The following KLRD1 variants were observed in gnomAD, a reference collection of about 807,000 sequenced individuals.
KLRD1 encodes the protein killer cell lectin like receptor D1.
A neutral mutation model predicts 22.6 loss-of-function variants in KLRD1; 21 were observed. The ratio of observed to expected loss-of-function variants is 0.93; its 90% CI spans 0.66 to 1.34. The LOEUF is 1.34. Among genes scored for constraint, KLRD1 ranks in the 40% most tolerant of loss-of-function variants. The pLI, the probability that KLRD1 is intolerant of heterozygous loss-of-function variation, is 0.00. For missense variants in KLRD1, 183 were observed against 208.6 expected (o/e 0.88, Z 0.76); for synonymous variants, 59 against 71.1 (o/e 0.83, Z 0.85).
In KLRD1 at chr12:10,323,864, C is replaced by CTTTTTTTTTTTTTTTTTTTT. The variant is rs3983613; in HGVS notation, c.*9086_*9087insTTTTTTTTTTTTTTTTTTTT. On this transcript the variant is annotated 3_prime_UTR_variant, in exon 6 of 6. Transcript: ENST00000336164. Reference sequence around the variant, plus strand: ...TTCCCTTTTATTTCTTATTTCTTTCCTTTTTTTTTTTTTTTGAGACTGAGT... The same window carrying CTTTTTTTTTTTTTTTTTTTT: ...TTCCCTTTTATTTCTTATTTCTTTCCTTTTTTTTTTTTTTTTTTTTTTTTTTTTTTTTTTTGAGACTGAGT... 1.9e-5 allele frequency: 2 copies of CTTTTTTTTTTTTTTTTTTTT among 106,342 alleles called. No individual in the cohort carries two copies. The highest frequency in any genetic ancestry group is 3.7e-5 in the Non-Finnish European group (2 of 54,630). 6.6% of individuals were successfully genotyped at this position (106,342 alleles called of 1,614,324 possible). A position where few individuals can be genotyped will look rare whatever the true frequency, so the allele number is the denominator to read the frequency against.
chr12:10,315,006 A>C lies in KLRD1; in HGVS notation c.*213A>C, dbSNP rs1950190163. The C allele has an allele frequency of 2.7e-6, 1 of 375,908 alleles. No homozygotes were observed. Among genetic ancestry groups the C allele is most frequent in the Admixed American group, 4.9e-5 (1 of 20,526 alleles). 23.3% of individuals were successfully genotyped at this position (375,908 alleles called of 1,614,324 possible). On this transcript the variant is annotated 3_prime_UTR_variant, in exon 6 of 6. Transcript: ENST00000336164. ...TTTGAGAATTATAAAATTAACATAA[A>C]GAATTTTGTATTTTCATTTAATGTA...
At chr12:10,258,268 T>A (rs2537800) in intron 1 of KLRD1, among the ~76,000 whole-genome samples, 131,313 of 152,186 alleles carry the variant, frequency 0.86, 58,612 homozygotes, top group Non-Finnish European at 0.98. Context: ...TTCTGCTCTG[T>A]CAAGTTTCAG....
chr12:10,288,693 A>T (rs1374569222), intron 1 of KLRD1, among the ~76,000 whole-genome samples: 1 of 152,260 alleles, frequency 6.6e-6, no homozygotes, highest in Non-Finnish European at 1.5e-5. Flanking sequence ...AAACTCAAAA[A>T]TTTTTAATGG....
upstream of KLRD1, among the ~76,000 whole-genome samples, chr12:10,301,515 AAT>A (rs1949866477): frequency 3.9e-5 from 6 of 152,248 alleles, no homozygotes; most frequent in African/African-American, 1.4e-4. Context: ...CTTCACAAAA[AAT>A]ATTTGGGGCT....
Position 10,257,139 on chromosome 12 carries a change from C to CTTT in KLRD1, c.-101+30923_-101+30925dup, listed in dbSNP as rs55950006. On this transcript the variant is annotated intron_variant, in intron 1 of 5. Coordinates refer to the KLRD1 transcript ENST00000544747. ...TTTGTTTTGTTTTTTCTTTTCTTTT[C>CTTT]TTTTTTTTTTTTTTTTTTTAAGATT... is the stretch of plus-strand genomic sequence containing the variant. Among the ~76,000 whole-genome samples the CTTT allele has an allele frequency of 6.8e-3, 880 of 130,102 alleles. 13 individuals are homozygous for CTTT. The highest frequency in any genetic ancestry group is 0.026 in the African/African-American group (817 of 31,880). 85.4% of individuals were successfully genotyped at this position (130,102 alleles called of 152,430 possible). A position where few individuals can be genotyped will look rare whatever the true frequency, so the allele number is the denominator to read the frequency against.
intron 4 of KLRD1, among the ~76,000 whole-genome samples, chr12:10,312,018 A>G (rs1950083197): frequency 6.6e-6 from 1 of 150,580 alleles, no homozygotes; most frequent in South Asian, 2.1e-4. Flanking sequence ...GTATGGAAAT[A>G]TGGTAAGAAA....
intron 1 of KLRD1, among the ~76,000 whole-genome samples, chr12:10,285,903 C>T (rs1949697498): frequency 6.6e-6 from 1 of 152,226 alleles, no homozygotes; most frequent in African/African-American, 2.4e-5. Flanking sequence ...TGATCAGCCA[C>T]ATCCATGCTT....
At chr12:10,239,822 A>G (rs1949224625) in intron 1 of KLRD1, among the ~76,000 whole-genome samples, 1 of 150,802 alleles carries the variant, frequency 6.6e-6, no homozygotes, top group Non-Finnish European at 1.5e-5. Context: ...TTGTATTTTT[A>G]CTAGAGATGG....
At chr12:10,267,385 C>T (rs905599671) in intron 1 of KLRD1, among the ~76,000 whole-genome samples, 1 of 151,734 alleles carries the variant, frequency 6.6e-6, no homozygotes, top group African/African-American at 2.4e-5. Context: ...CTATATATGC[C>T]ATATACATTA....
rs1950228892 is a variant in KLRD1 at position 10,316,366 on chromosome 12, AC to A, written c.*1574del. On this transcript the variant is annotated 3_prime_UTR_variant, in exon 6 of 6. Coordinates refer to ENST00000336164, the MANE Select transcript of KLRD1 (RefSeq NM_002262.5). ...ATCCTAAAAATATGTTACAACTGCT[AC>A]TTCATAGTTTATGCCACTTATTTTA... 1 of 152,100 alleles carries A rather than the reference AC, an allele frequency of 6.6e-6. No individual in the cohort carries two copies. Among genetic ancestry groups the A allele is most frequent in the Non-Finnish European group, 1.5e-5 (1 of 68,014 alleles). The allele number at this position is 152,100 out of a possible 1,614,324, so 9.4% of individuals were successfully genotyped here. A position where few individuals can be genotyped will look rare whatever the true frequency, so the allele number is the denominator to read the frequency against.
chr12:10,294,877 A>T (rs1949808321), intron 1 of KLRD1, among the ~76,000 whole-genome samples: 1 of 152,224 alleles, frequency 6.6e-6, no homozygotes, highest in Non-Finnish European at 1.5e-5. Flanking sequence ...ATATTATGTG[A>T]CTATATACGT....
intron 1 of KLRD1, among the ~76,000 whole-genome samples, chr12:10,272,197 T>C (rs1352585850): frequency 6.6e-6 from 1 of 152,210 alleles, no homozygotes; most frequent in Non-Finnish European, 1.5e-5. Context: ...CGTTATCTAA[T>C]TCTCACTAAA....
intron 1 of KLRD1, among the ~76,000 whole-genome samples, chr12:10,294,317 G>C (rs1949802622): frequency 6.6e-6 from 1 of 152,168 alleles, no homozygotes; most frequent in African/African-American, 2.4e-5. Flanking sequence ...CAAGTATGAA[G>C]AGGAGTTACC....
At chr12:10,282,514 C>T (rs1333287315) in intron 1 of KLRD1, among the ~76,000 whole-genome samples, 1 of 152,076 alleles carries the variant, frequency 6.6e-6, no homozygotes, top group Non-Finnish European at 1.5e-5. Flanking sequence ...GCCTCAGCCT[C>T]CCAAAGTGCT....
At chr12:10,278,005 C>G (rs1949607184) in intron 1 of KLRD1, among the ~76,000 whole-genome samples, 1 of 152,208 alleles carries the variant, frequency 6.6e-6, no homozygotes, top group African/African-American at 2.4e-5. Context: ...CTGGACATGA[C>G]AACACAGCGA....
At chr12:10,261,225 A>G (rs7954334) in intron 1 of KLRD1, among the ~76,000 whole-genome samples, 147,765 of 152,262 alleles carry the variant, frequency 0.97, 71,851 homozygotes, top group East Asian at 1. Flanking sequence ...TATGAAGAGC[A>G]CCTTCTAAGA....
At chr12:10,243,806 G>T (rs1308557724) in intron 1 of KLRD1, among the ~76,000 whole-genome samples, 1 of 152,042 alleles carries the variant, frequency 6.6e-6, no homozygotes, top group Non-Finnish European at 1.5e-5. Context: ...GATTCTCATT[G>T]GTAGCGGTTT....
chr12:10,311,998 A>C (rs1950082584), intron 4 of KLRD1, among the ~76,000 whole-genome samples: 1 of 151,220 alleles, frequency 6.6e-6, no homozygotes. Flanking sequence ...TCTTTCTGGG[A>C]TATAAGCTAG....
rs560962492 is a variant in KLRD1 at position 10,284,782 on chromosome 12, C to T, written c.-100-23196C>T. ...GGCAGATCACCTGAGGTCAGAAGTT[C>T]GAGACCAGCCTCAACGTGGAGAAAT... On this transcript the variant is annotated intron_variant, in intron 1 of 5. Coordinates refer to the KLRD1 transcript ENST00000544747. Among the ~76,000 whole-genome samples, 14 of 152,074 alleles carry T rather than the reference C, an allele frequency of 9.2e-5. No homozygotes were observed. In the East Asian group the frequency reaches 1.2e-3, roughly 13 times the overall value.
Sources: gnomAD v4.1 joint callset for allele counts (sites outside exome capture counted in the v4.1 genomes callset) on GRCh38, gnomAD v4.1.1 for gene constraint, MANE v1.5 for transcripts, NCBI Gene and HGNC (gene_info 2026-07-23, HGNC 2026-07-21) for gene names.